NARS2: variants seen among roughly 807,000 people sequenced by gnomAD.
NARS2 encodes the protein asparaginyl-tRNA synthetase.
In NARS2, 60 loss-of-function variants were observed where a neutral mutation model predicts 62.9. The ratio of observed to expected loss-of-function variants is 0.95; its 90% CI spans 0.77 to 1.18. The LOEUF (loss-of-function observed/expected upper bound fraction) is 1.18. NARS2 is among the 50% of genes most tolerant of loss of function. The probability of loss-of-function intolerance (pLI) is 0.00; values close to 1 mark genes in which losing one functional copy is unlikely to be tolerated. For missense variants in NARS2, 619 were observed against 576.4 expected, an observed-to-expected ratio of 1.07 and a Z score of -0.76; for synonymous variants, 196 against 200.0, an observed-to-expected ratio of 0.98 and a Z score of 0.17.
At chr11:78,475,887 C>T (rs748013228) in intron 9 of NARS2, among the ~76,000 whole-genome samples, 8 of 152,164 alleles carry the variant, frequency 5.3e-5, no homozygotes, top group Non-Finnish European at 1.2e-4. Flanking sequence ...AGGCATGAGC[C>T]AACGTGTCTC....
chr11:78,524,459 A>G (rs549115327), intron 6 of NARS2, among the ~76,000 whole-genome samples: 2 of 152,266 alleles, frequency 1.3e-5, no homozygotes, highest in Admixed American at 1.3e-4. Flanking sequence ...AAGCATTAAA[A>G]TGCCCAAGAA....
intron 5 of NARS2, among the ~76,000 whole-genome samples, chr11:78,545,164 A>G (rs993430713): frequency 7.2e-5 from 11 of 152,172 alleles, no homozygotes; most frequent in Non-Finnish European, 1.5e-4. Flanking sequence ...GAAGCACTAT[A>G]TTTTTCCAAT....
intron 6 of NARS2, 125 bp from the exon 7 acceptor site, chr11:78,493,320 C>T: frequency 1.2e-6 from 1 of 835,260 alleles, no homozygotes; most frequent in Non-Finnish European, 1.9e-6. Flanking sequence ...CAGACTGACA[C>T]ATATTTGCTG....
chr11:78,555,874 G>C (rs1212674490), intron 5 of NARS2, among the ~76,000 whole-genome samples: 1 of 152,090 alleles, frequency 6.6e-6, no homozygotes, highest in African/African-American at 2.4e-5. Flanking sequence ...ATTCTGGTAC[G>C]TTGTATCTTT....
intron 6 of NARS2, among the ~76,000 whole-genome samples, chr11:78,527,301 AT>A (rs1861328106): frequency 6.6e-6 from 1 of 152,184 alleles, no homozygotes; most frequent in African/African-American, 2.4e-5. Flanking sequence ...TTTGATACAA[AT>A]TCATTTTGTA....
At chr11:78,479,765 T>C (rs917800767) in intron 7 of NARS2, among the ~76,000 whole-genome samples, 1 of 152,240 alleles carries the variant, frequency 6.6e-6, no homozygotes, top group Non-Finnish European at 1.5e-5. Flanking sequence ...TGCATACCAG[T>C]AGATCCTCTT....
rs1860468656 is a variant in NARS2, at chr11:78,505,725, G to C, written c.690-12530C>G. On this transcript the variant is annotated intron_variant, in intron 6 of 13. Coordinates refer to ENST00000281038, the MANE Select transcript of NARS2 (RefSeq NM_024678.6). ...GGCCTGTACCTTCAAAAAGTTTATA[G>C]ACTAGCAGGGTCTTCCCTGACCTAA... 3.3e-5 allele frequency among the ~76,000 whole-genome samples: 5 copies of C among 152,066 alleles called. 1 individual carries two copies. The South Asian group carries it at 1.0e-3, about 31-fold the overall frequency.
intron 6 of NARS2, among the ~76,000 whole-genome samples, chr11:78,514,247 C>T (rs1027427105): frequency 4.6e-5 from 7 of 152,234 alleles, no homozygotes; most frequent in East Asian, 1.9e-4. Context: ...CTCAGCCTCC[C>T]GAGTAGCTGG....
At chr11:78,488,816 G>A (rs896274158) in intron 7 of NARS2, among the ~76,000 whole-genome samples, 1 of 152,056 alleles carries the variant, frequency 6.6e-6, no homozygotes, top group Non-Finnish European at 1.5e-5. Context: ...ACTGATTTTT[G>A]ACAAAGACCC....
chr11:78,501,600 A>G (rs1000562956), intron 6 of NARS2, among the ~76,000 whole-genome samples: 3 of 152,216 alleles, frequency 2.0e-5, no homozygotes, highest in Non-Finnish European at 4.4e-5. Context: ...TATGATGTGA[A>G]TCCTGATAAA....
In NARS2 at chr11:78,554,815, G is replaced by C. The variant is rs1366071262; in HGVS notation, c.594+4724C>G. ...ACTTCCAATACTATGTTGAAGAGAA[G>C]TGGTGAGGGCATCCTATAGTCTTCT... On this transcript the variant is annotated intron_variant, in intron 5 of 13. Transcript: ENST00000281038. 3.9e-5 allele frequency among the ~76,000 whole-genome samples: 6 copies of C among 152,206 alleles called. No individual in the cohort carries two copies. The South Asian group carries it at 6.2e-4, about 16-fold the overall frequency.
chr11:78,530,679 G>A (rs138142160), intron 5 of NARS2, among the ~76,000 whole-genome samples: 2 of 152,226 alleles, frequency 1.3e-5, no homozygotes, highest in Admixed American at 1.3e-4. Flanking sequence ...CACCATGTTG[G>A]CCAGGATGGT....
intron 6 of NARS2, among the ~76,000 whole-genome samples, chr11:78,513,638 C>T (rs549210153): frequency 2.6e-5 from 4 of 151,974 alleles, no homozygotes; most frequent in Middle Eastern, 3.4e-3. Context: ...ATTAGCCGGG[C>T]GTAGTGGTGG....
chr11:78,528,462 A>G (rs1861371696), intron 6 of NARS2, among the ~76,000 whole-genome samples: 1 of 152,172 alleles, frequency 6.6e-6, no homozygotes, highest in South Asian at 2.1e-4. Context: ...TAAACCAATT[A>G]CTGAAAAAAA....
intron 6 of NARS2, among the ~76,000 whole-genome samples, chr11:78,496,234 A>G (rs1329130211): frequency 1.3e-5 from 2 of 152,256 alleles, no homozygotes; most frequent in East Asian, 3.9e-4. Flanking sequence ...TGATCACCCT[A>G]TGTCAGTATC....
At chr11:78,553,696 T>C (rs1856217287) in intron 5 of NARS2, among the ~76,000 whole-genome samples, 1 of 152,252 alleles carries the variant, frequency 6.6e-6, no homozygotes, top group African/African-American at 2.4e-5. Flanking sequence ...TTTTCTTCCA[T>C]TCTGTAGGCT....
chr11:78,551,044 T>C (rs1290457683), intron 5 of NARS2, among the ~76,000 whole-genome samples: 2 of 152,166 alleles, frequency 1.3e-5, no homozygotes, highest in Non-Finnish European at 2.9e-5. Context: ...AGCAGATTTG[T>C]GGTTACCTAG....
At chr11:78,470,932 C>A (rs1469546008) in intron 9 of NARS2, among the ~76,000 whole-genome samples, 2 of 143,616 alleles carry the variant, frequency 1.4e-5, no homozygotes, top group African/African-American at 2.6e-5. Flanking sequence ...TCCTGAAAGA[C>A]CTTGAGCTCA....
chr11:78,561,195 C>CT (rs1856545563), intron 4 of NARS2, among the ~76,000 whole-genome samples: 1 of 152,154 alleles, frequency 6.6e-6, no homozygotes, highest in South Asian at 2.1e-4. Context: ...TTTAAAACTG[C>CT]TAGCAAGGCT....
Sources: gnomAD v4.1 joint callset for allele counts (sites outside exome capture counted in the v4.1 genomes callset) on GRCh38, gnomAD v4.1.1 for gene constraint, MANE v1.5 for transcripts, NCBI Gene and HGNC (gene_info 2026-07-23, HGNC 2026-07-21) for gene names.